NAV2: variants seen among roughly 807,000 people sequenced by gnomAD.
NAV2 encodes the protein neuron navigator 2, also known as helicase, APC down-regulated 1.
NAV2 carries 54 observed loss-of-function variants against 223.2 expected under a neutral mutation model. That is an observed-to-expected ratio of 0.24 (90% CI 0.19 to 0.30). NAV2 has a LOEUF of 0.30. NAV2 is among the 10% of genes least tolerant of loss of function. NAV2 has a pLI of 1.00. For missense variants in NAV2, 2,806 were observed against 3,147.5 expected (o/e 0.89, Z 2.60); for synonymous variants, 1,279 against 1,239.3 (o/e 1.03, Z -0.67).
intron 1 of NAV2, among the ~76,000 whole-genome samples, chr11:19,395,520 T>A (rs142217523): frequency 6.6e-6 from 1 of 152,368 alleles, no homozygotes; most frequent in Non-Finnish European, 1.5e-5. Flanking sequence ...CAGGTGCATC[T>A]GCCCAGGTCC....
intron 1 of NAV2, among the ~76,000 whole-genome samples, chr11:19,554,333 G>C (rs1399047745): frequency 6.6e-6 from 1 of 152,202 alleles, no homozygotes; most frequent in Non-Finnish European, 1.5e-5. Flanking sequence ...AGTTTGGGCT[G>C]TCTGATGCCA....
At chr11:19,417,916 A>C (rs4757807) in intron 1 of NAV2, among the ~76,000 whole-genome samples, 106,404 of 151,914 alleles carry the variant, frequency 0.7, 37,337 homozygotes, top group Admixed American at 0.73. Flanking sequence ...GGGAGTCGAA[A>C]AACGAGAACA....
chr11:19,582,307 C>T (rs778635427), intron 1 of NAV2, among the ~76,000 whole-genome samples: 5 of 152,046 alleles, frequency 3.3e-5, no homozygotes, highest in Admixed American at 2.6e-4. Context: ...TTCTCCCATT[C>T]TGTAGGTTGC....
chr11:19,611,049 T>TG (rs1423845595), intron 1 of NAV2, among the ~76,000 whole-genome samples: 1 of 152,228 alleles, frequency 6.6e-6, no homozygotes, highest in African/African-American at 2.4e-5. Flanking sequence ...CAGTTCCACA[T>TG]GGCTAGGGAA....
At chr11:19,995,180 G>C (rs1367592470) in intron 11 of NAV2, among the ~76,000 whole-genome samples, 1 of 152,220 alleles carries the variant, frequency 6.6e-6, no homozygotes, top group Non-Finnish European at 1.5e-5. Context: ...GGTCAGCCCA[G>C]CTGATCTTTA....
chr11:19,807,877 C>A (rs2058659179), intron 1 of NAV2, among the ~76,000 whole-genome samples: 1 of 152,184 alleles, frequency 6.6e-6, no homozygotes, highest in South Asian at 2.1e-4. Flanking sequence ...CCTTGAAATT[C>A]TGCATTTTGC....
intron 11 of NAV2, among the ~76,000 whole-genome samples, chr11:20,008,876 TA>T (rs761233508): frequency 6.6e-6 from 1 of 152,340 alleles, no homozygotes; most frequent in East Asian, 1.9e-4. Flanking sequence ...TTTATTACTT[TA>T]AATTGCTTTG....
intron 6 of NAV2, among the ~76,000 whole-genome samples, chr11:19,908,361 C>T (rs2043044843): frequency 6.6e-6 from 1 of 151,894 alleles, no homozygotes; most frequent in African/African-American, 2.4e-5. Flanking sequence ...CTTGGCCCAC[C>T]CGTTCACTCC....
At chr11:19,972,763 T>A (rs2049359048) in intron 10 of NAV2, among the ~76,000 whole-genome samples, 1 of 152,210 alleles carries the variant, frequency 6.6e-6, no homozygotes, top group Admixed American at 6.5e-5. Context: ...CACATCTGCT[T>A]GCCCCAAGCT....
intron 1 of NAV2, among the ~76,000 whole-genome samples, chr11:19,481,003 C>G (rs1590295089): frequency 6.6e-6 from 1 of 152,294 alleles, no homozygotes; most frequent in East Asian, 1.9e-4. Flanking sequence ...AGCAGATGGC[C>G]TTCGTGAGAC....
chr11:19,714,081 A>T, intron 1 of NAV2, 119 bp downstream of exon 1: 1 of 1,374,496 alleles, frequency 7.3e-7, no homozygotes, highest in Non-Finnish European at 9.9e-7. Context: ...AGGGAAGGGA[A>T]CCATTCCCCT....
intron 12 of NAV2, among the ~76,000 whole-genome samples, chr11:20,041,290 T>G (rs2056897532): frequency 6.6e-6 from 1 of 152,228 alleles, no homozygotes. Flanking sequence ...CTCTACTTCC[T>G]CACTATGTGA....
chr11:19,475,010 A>G (rs1344614578), intron 1 of NAV2, among the ~76,000 whole-genome samples: 1 of 152,168 alleles, frequency 6.6e-6, no homozygotes, highest in Non-Finnish European at 1.5e-5. Context: ...CAAATGAACA[A>G]CTGTCTCATT....
rs142631116 is a variant in NAV2 at position 19,716,577 on chromosome 11, A to G, written c.267+2615A>G. Among the ~76,000 whole-genome samples, 666 of 152,348 alleles carry G rather than the reference A, an allele frequency of 4.4e-3. 9 individuals are homozygous for G. Among genetic ancestry groups the G allele is most frequent in the Admixed American group, 8.7e-3 (133 of 15,304 alleles). On this transcript the variant is annotated intron_variant, in intron 1 of 37. Coordinates refer to ENST00000349880, the MANE Select transcript of NAV2 (RefSeq NM_145117.5). ...TCTCTCAAGCCCCTGGAAAGGTATC[A>G]ATCTGTTCCAAGGATCTGTAGAACA...
At chr11:19,999,193 C>A (rs2052282024) in intron 11 of NAV2, among the ~76,000 whole-genome samples, 1 of 152,244 alleles carries the variant, frequency 6.6e-6, no homozygotes, top group African/African-American at 2.4e-5. Context: ...TCATGCCTGG[C>A]ATAAATCAAC....
rs1311843651 is a variant in NAV2 at position 19,702,803 on chromosome 11, TAGTAATAATAATAATAATAATAA to T, written c.76-129680_76-129658del. Among the ~76,000 whole-genome samples, 108 of 12,058 alleles carry T rather than the reference TAGTAATAATAATAATAATAATAA, an allele frequency of 9.0e-3. 1 individual carries two copies. Among genetic ancestry groups the T allele is most frequent in the Admixed American group, 0.072 (37 of 514 alleles). The allele number at this position is 12,058 out of a possible 152,430, so 7.9% of individuals were successfully genotyped here. On this transcript the variant is annotated intron_variant, in intron 1 of 37. Transcript: ENST00000360655. ...AAAATAATAATAATAATAATAATAA[TAGTAATAATAATAATAATAATAA>T]GTCCCTTGAATAAATAAAAGGTTAA...
At chr11:19,862,162 A>G (rs1054463071) in intron 3 of NAV2, among the ~76,000 whole-genome samples, 1 of 152,262 alleles carries the variant, frequency 6.6e-6, no homozygotes, top group African/African-American at 2.4e-5. Context: ...TTTTGTATCC[A>G]TATGGACTTA....
intron 1 of NAV2, among the ~76,000 whole-genome samples, chr11:19,434,697 A>T (rs1851152366): frequency 6.6e-6 from 1 of 152,188 alleles, no homozygotes; most frequent in African/African-American, 2.4e-5. Flanking sequence ...CTGAACTGGG[A>T]GGTGGAGTCA....
chr11:20,044,391 A>C, intron 13 of NAV2, 119 bp downstream of exon 13: 1 of 955,030 alleles, frequency 1.0e-6, no homozygotes, highest in Non-Finnish European at 1.5e-6. Context: ...TCTGCTAACA[A>C]CGAGCTTCCA....
Sources: allele counts gnomAD v4.1 joint callset (sites outside exome capture counted in the v4.1 genomes callset), GRCh38; gene constraint gnomAD v4.1.1; transcripts MANE v1.5; gene names NCBI Gene and HGNC (gene_info 2026-07-23, HGNC 2026-07-21).